Variants in JAZF1 observed in about 807,000 individuals in gnomAD.
JAZF1 encodes the protein JAZF zinc finger 1.
A neutral mutation model predicts 26.4 loss-of-function variants in JAZF1; 8 were observed. The ratio of observed to expected loss-of-function variants is 0.30; its 90% CI spans 0.18 to 0.55. The LOEUF is 0.55. Among genes scored for constraint, JAZF1 ranks in the 20% least tolerant of loss-of-function variants. JAZF1 has a pLI of 0.94. For synonymous variants in JAZF1, 126 were observed against 122.3 expected (o/e 1.03, Z -0.20); for missense variants, 199 against 322.0 (o/e 0.62, Z 2.92).
chr7:28,005,600 G>A (rs1782687218), intron 1 of JAZF1, among the ~76,000 whole-genome samples: 1 of 152,282 alleles, frequency 6.6e-6, no homozygotes, highest in East Asian at 1.9e-4. Flanking sequence ...ACACCCAGGT[G>A]GCAGCCAGGA....
chr7:27,888,381 T>G (rs1783906169), intron 3 of JAZF1, among the ~76,000 whole-genome samples: 1 of 152,240 alleles, frequency 6.6e-6, no homozygotes, highest in Non-Finnish European at 1.5e-5. Context: ...TATGTTAGTT[T>G]ATACTTTATT....
chr7:28,145,191 G>C (rs1048971795), intron 1 of JAZF1, among the ~76,000 whole-genome samples: 1 of 152,090 alleles, frequency 6.6e-6, no homozygotes, highest in African/African-American at 2.4e-5. Flanking sequence ...TTCTAAACCG[G>C]ATCCACATTT....
intron 1 of JAZF1, among the ~76,000 whole-genome samples, chr7:28,006,039 A>G (rs1782694698): frequency 6.6e-6 from 1 of 152,206 alleles, no homozygotes; most frequent in African/African-American, 2.4e-5. Context: ...TAAGAGGATT[A>G]AAAGAGATAA....
chr7:27,928,581 G>T (rs1340165597), intron 2 of JAZF1, among the ~76,000 whole-genome samples: 2 of 152,168 alleles, frequency 1.3e-5, no homozygotes, highest in Non-Finnish European at 2.9e-5. Flanking sequence ...CCCATCTTAG[G>T]TATTGTGCAA....
chr7:27,848,144 C>G (rs1374201482), intron 3 of JAZF1, among the ~76,000 whole-genome samples: 1 of 152,188 alleles, frequency 6.6e-6, no homozygotes, highest in Non-Finnish European at 1.5e-5. Context: ...CCATATGTCA[C>G]TTTGGGTAGT....
At chr7:27,855,795 C>T (rs10245536) in intron 3 of JAZF1, among the ~76,000 whole-genome samples, 16,549 of 152,162 alleles carry the variant, frequency 0.11, 952 homozygotes, top group African/African-American at 0.13. Flanking sequence ...CAAAGAGGAT[C>T]TGGTACCATT....
intron 2 of JAZF1, among the ~76,000 whole-genome samples, chr7:27,981,006 TG>T (rs1027300914): frequency 3.9e-5 from 6 of 152,340 alleles, no homozygotes; most frequent in Non-Finnish European, 8.8e-5. Flanking sequence ...TCCTACTGTG[TG>T]GTAACTTTAT....
chr7:28,091,058 C>A (rs1784289047), intron 1 of JAZF1, among the ~76,000 whole-genome samples: 2 of 150,840 alleles, frequency 1.3e-5, no homozygotes, highest in South Asian at 4.2e-4. Flanking sequence ...AATCTCCTGA[C>A]CTCATGATCC....
intron 1 of JAZF1, among the ~76,000 whole-genome samples, chr7:28,113,803 A>C (rs924085985): frequency 2.0e-5 from 3 of 152,194 alleles, no homozygotes; most frequent in Non-Finnish European, 4.4e-5. Context: ...AAATTTTGCT[A>C]AAGAAAGAGC....
At chr7:28,112,897 T>A (rs1784684791) in intron 1 of JAZF1, among the ~76,000 whole-genome samples, 1 of 152,172 alleles carries the variant, frequency 6.6e-6, no homozygotes, top group African/African-American at 2.4e-5. Context: ...AAATGATGAT[T>A]CTGTATCTCT....
chr7:28,075,965 A>G (rs896036080), intron 1 of JAZF1, among the ~76,000 whole-genome samples: 1 of 152,242 alleles, frequency 6.6e-6, no homozygotes, highest in South Asian at 2.1e-4. Flanking sequence ...TCTTTTGGAC[A>G]TAAAATGAAT....
At chr7:28,123,613 C>G (rs976042857) in intron 1 of JAZF1, among the ~76,000 whole-genome samples, 1 of 152,230 alleles carries the variant, frequency 6.6e-6, no homozygotes, top group Non-Finnish European at 1.5e-5. Context: ...GTGCTGGCCA[C>G]AAAGCCTGGC....
At chr7:28,029,719 AT>A (rs1349040605) in intron 1 of JAZF1, among the ~76,000 whole-genome samples, 3 of 152,220 alleles carry the variant, frequency 2.0e-5, no homozygotes, top group African/African-American at 7.2e-5. Flanking sequence ...ATATAAGCTA[AT>A]TATTTAAAAG....
intron 1 of JAZF1, among the ~76,000 whole-genome samples, chr7:28,012,052 A>T (rs1419812149): frequency 6.6e-6 from 1 of 152,148 alleles, no homozygotes; most frequent in Non-Finnish European, 1.5e-5. Flanking sequence ...CAGGGAAAAA[A>T]TTTTTTTATT....
intron 1 of JAZF1, among the ~76,000 whole-genome samples, chr7:28,145,179 C>T (rs573902932): frequency 6.6e-6 from 1 of 152,132 alleles, no homozygotes; most frequent in East Asian, 1.9e-4. Context: ...ATCCTTGATC[C>T]CTTCTAAACC....
rs1784806363 is a variant in JAZF1, at chr7:28,119,692, TA to T, written c.115+60770del. Among the ~76,000 whole-genome samples, 5 of 152,326 alleles carry T rather than the reference TA, an allele frequency of 3.3e-5. No individual in the cohort carries two copies. The South Asian group carries it at 1.0e-3, about 32-fold the overall frequency. On this transcript the variant is annotated intron_variant, in intron 1 of 4. Transcript: ENST00000283928. The stretch of plus-strand genomic sequence containing the variant: ...AAAAACCTTCCATGCTTCCCCCTAC[TA>T]CTTACATGACAGCCCCAAATTATGC...
At chr7:28,150,317 C>A (rs1783091425) in intron 1 of JAZF1, among the ~76,000 whole-genome samples, 1 of 152,098 alleles carries the variant, frequency 6.6e-6, no homozygotes, top group Non-Finnish European at 1.5e-5. Context: ...CACAGATGGC[C>A]TGCAAAAGAA....
intron 1 of JAZF1, among the ~76,000 whole-genome samples, chr7:28,128,366 AC>A (rs2127940786): frequency 6.6e-6 from 1 of 152,274 alleles, no homozygotes; most frequent in Admixed American, 6.5e-5. Context: ...TACTAAAAAT[AC>A]AAAAATTAGC....
At chr7:28,142,620 C>T (rs1369451727) in intron 1 of JAZF1, among the ~76,000 whole-genome samples, 2 of 152,196 alleles carry the variant, frequency 1.3e-5, no homozygotes, top group Admixed American at 6.5e-5. Flanking sequence ...TGCAGTAAGA[C>T]ATCAAGTATA....
Sources: gnomAD v4.1 joint callset for allele counts (sites outside exome capture counted in the v4.1 genomes callset) on GRCh38, gnomAD v4.1.1 for gene constraint, MANE v1.5 for transcripts, NCBI Gene and HGNC (gene_info 2026-07-23, HGNC 2026-07-21) for gene names.